RBFOX3: variants seen among roughly 807,000 people sequenced by gnomAD.
The protein encoded by RBFOX3 is RNA binding protein fox-1 homolog 3.
Under a neutral mutation model 48.7 loss-of-function variants are expected in RBFOX3, and 17 were observed. That is an observed-to-expected ratio of 0.35 (90% CI 0.24 to 0.52). The LOEUF (loss-of-function observed/expected upper bound fraction) is 0.52, where lower values mean the gene tolerates loss of function less well. Ranked by LOEUF, RBFOX3 falls within the 20% of genes least tolerant of loss-of-function variation. RBFOX3 has a pLI of 0.94. For missense variants in RBFOX3, 382 were observed against 497.5 expected (o/e 0.77, Z 2.21); for synonymous variants, 212 against 209.5 (o/e 1.01, Z -0.10).
chr17:79,608,490 G>A (rs2093888470), intron 1 of RBFOX3, among the ~76,000 whole-genome samples: 1 of 152,136 alleles, frequency 6.6e-6, no homozygotes, highest in Admixed American at 6.5e-5. Flanking sequence ...GGAGGAGGGT[G>A]GATAGCTGCT....
chr17:79,640,017 A>C, the RBFOX3 span, among the ~76,000 whole-genome samples: 1 of 152,216 alleles, frequency 6.6e-6, no homozygotes, highest in African/African-American at 2.4e-5. Context: ...CCAAATCAGA[A>C]AGAAGTAAAT....
In RBFOX3 at chr17:79,214,028, G is replaced by A. The variant is rs1184771732; in HGVS notation, c.-34+21738C>T. The stretch of plus-strand genomic sequence containing the variant: ...GGTTCCGTTTCCGAAGGTGGTGCCA[G>A]CGGATGTTGGGAGGCCCGGTGAACT... On this transcript the variant is annotated intron_variant, in intron 4 of 14. Coordinates refer to ENST00000693108, the MANE Select transcript of RBFOX3 (RefSeq NM_001350451.2). This position sits in a 1 kb window ranked among gnomAD's most constrained non-coding sequence, Gnocchi z 4.7. Among the ~76,000 whole-genome samples, 1 of 152,220 alleles carries A rather than the reference G, an allele frequency of 6.6e-6. No individual in the cohort carries two copies. The highest frequency in any genetic ancestry group is 1.5e-5 in the Non-Finnish European group (1 of 68,048).
intron 1 of RBFOX3, among the ~76,000 whole-genome samples, chr17:79,555,244 C>T (rs963820187): frequency 6.6e-5 from 10 of 151,838 alleles, no homozygotes; most frequent in Non-Finnish European, 7.4e-5. Context: ...GGTAAGCACT[C>T]GGGAAGTGGT....
intron 2 of RBFOX3, among the ~76,000 whole-genome samples, chr17:79,459,462 G>T (rs1465027824): frequency 6.6e-6 from 1 of 152,190 alleles, no homozygotes; most frequent in Non-Finnish European, 1.5e-5. Flanking sequence ...GAGCACAGTG[G>T]GGCGGATGGC....
At position 79,173,415 on chromosome 17, in the gene RBFOX3, T is replaced by G. The variant is rs533982787; in HGVS notation, c.-33-57667A>C. Among the ~76,000 whole-genome samples the G allele has an allele frequency of 3.9e-5, 6 of 152,250 alleles. No individual in the cohort carries two copies. In the South Asian group the frequency reaches 1.2e-3, roughly 32 times the overall value. On this transcript the variant is annotated intron_variant, in intron 4 of 14. Coordinates refer to ENST00000693108, the MANE Select transcript of RBFOX3 (RefSeq NM_001350451.2). ...AAAGGCATTAACACTGGAGACGCCC[T>G]TGGAGGTCGTCTTCCTACTGCCATC...
At chr17:79,378,521 C>T (rs1474292804) in intron 2 of RBFOX3, among the ~76,000 whole-genome samples, 2 of 152,198 alleles carry the variant, frequency 1.3e-5, no homozygotes, top group Non-Finnish European at 1.5e-5. Context: ...CCGTGGCCGC[C>T]CTTTTGGGAT....
intron 1 of RBFOX3, among the ~76,000 whole-genome samples, chr17:79,577,596 A>C (rs1353227355): frequency 6.6e-6 from 1 of 152,238 alleles, no homozygotes; most frequent in Non-Finnish European, 1.5e-5. Flanking sequence ...GAGCGACAGA[A>C]GTTTCTGCAA....
intron 2 of RBFOX3, among the ~76,000 whole-genome samples, chr17:79,408,107 T>C (rs2063786559): frequency 6.6e-6 from 1 of 152,126 alleles, no homozygotes; most frequent in Admixed American, 6.5e-5. Context: ...TCCAGAGTTC[T>C]GTTTGCTGGT....
At chr17:79,244,326 G>A (rs1157935158) in intron 3 of RBFOX3, among the ~76,000 whole-genome samples, 1 of 152,098 alleles carries the variant, frequency 6.6e-6, no homozygotes, top group African/African-American at 2.4e-5. Flanking sequence ...GGACAAGGAA[G>A]GAACCTGCCC....
rs571828515 is a variant in RBFOX3 at position 79,390,838 on chromosome 17, C to A, written c.-174-83014G>T. On this transcript the variant is annotated intron_variant, in intron 2 of 14. Transcript: ENST00000693108. The surrounding 1 kb of genome is among the most constrained non-coding windows in gnomAD (Gnocchi z 4.2). The stretch of plus-strand genomic sequence containing the variant: ...ATGGAGCATCTGAGAGTTGAGGCAG[C>A]GGAACCCCTCACCAGGAGGCACCTT... Among the ~76,000 whole-genome samples the A allele has an allele frequency of 6.6e-6, 1 of 152,190 alleles. No individual in the cohort carries two copies. Among genetic ancestry groups the A allele is most frequent in the Non-Finnish European group, 1.5e-5 (1 of 68,034 alleles).
chr17:79,623,929 A>G, the RBFOX3 span, among the ~76,000 whole-genome samples: 1 of 151,522 alleles, frequency 6.6e-6, no homozygotes, highest in Admixed American at 6.6e-5. Flanking sequence ...CCGCAGGGTG[A>G]GGGCTTCCAT....
chr17:79,131,208 G>A (rs2143267139), intron 4 of RBFOX3, among the ~76,000 whole-genome samples: 1 of 147,722 alleles, frequency 6.8e-6, no homozygotes, highest in East Asian at 1.9e-4. Context: ...CGTGTGTTCT[G>A]TGCACTGTGT....
intron 3 of RBFOX3, among the ~76,000 whole-genome samples, chr17:79,278,750 G>T (rs2069540044): frequency 6.6e-6 from 1 of 152,256 alleles, no homozygotes. Flanking sequence ...GCATCCACAT[G>T]CATAGGGCAG....
chr17:79,344,899 C>T (rs766911956), intron 2 of RBFOX3, among the ~76,000 whole-genome samples: 1 of 152,188 alleles, frequency 6.6e-6, no homozygotes, highest in Admixed American at 6.5e-5. Context: ...TCTGTCCACA[C>T]CACTTCATCA....
At chr17:79,328,227 T>C (rs1026621766) in intron 2 of RBFOX3, among the ~76,000 whole-genome samples, 7 of 152,090 alleles carry the variant, frequency 4.6e-5, no homozygotes, top group South Asian at 2.1e-4. Flanking sequence ...TGAGGCTGGA[T>C]TGGGGAGCAG....
At chr17:79,116,385 C>T (rs1246504887) in intron 4 of RBFOX3, among the ~76,000 whole-genome samples, 4 of 152,074 alleles carry the variant, frequency 2.6e-5, no homozygotes, top group African/African-American at 9.7e-5. Flanking sequence ...TGTGGTGGCA[C>T]GTGCCTATAA....
chr17:79,578,695 G>GA (rs1191846455), intron 1 of RBFOX3, among the ~76,000 whole-genome samples: 1 of 152,146 alleles, frequency 6.6e-6, no homozygotes, highest in Non-Finnish European at 1.5e-5. Flanking sequence ...ACTTGGCTCT[G>GA]AAAAAATAAT....
At chr17:79,434,001 C>T (rs2068937971) in intron 2 of RBFOX3, among the ~76,000 whole-genome samples, 1 of 152,186 alleles carries the variant, frequency 6.6e-6, no homozygotes, top group Non-Finnish European at 1.5e-5. Flanking sequence ...TAATTTTCTC[C>T]ATAAGACACG....
intron 2 of RBFOX3, among the ~76,000 whole-genome samples, chr17:79,333,016 G>T (rs1464935168): frequency 6.6e-6 from 1 of 151,620 alleles, no homozygotes; most frequent in Non-Finnish European, 1.5e-5. Context: ...AAGAGAGAGA[G>T]AGATGGGGTG....
Sources: allele counts gnomAD v4.1 joint callset (sites outside exome capture counted in the v4.1 genomes callset), GRCh38; gene constraint gnomAD v4.1.1; non-coding constraint Gnocchi (gnomAD v3.1); transcripts MANE v1.5; gene names NCBI Gene and HGNC (gene_info 2026-07-23, HGNC 2026-07-21).